ADAMTSL1: variants seen among roughly 807,000 people sequenced by gnomAD.
The protein encoded by ADAMTSL1 is ADAMTS-like protein 1.
ADAMTSL1 carries 126 observed loss-of-function variants against 201.8 expected under a neutral mutation model. The ratio of observed to expected loss-of-function variants is 0.62; its 90% CI spans 0.54 to 0.72. The LOEUF (loss-of-function observed/expected upper bound fraction) is 0.72. ADAMTSL1 is among the 30% of genes least tolerant of loss of function. The probability of loss-of-function intolerance (pLI) is 0.00; values close to 1 mark genes in which losing one functional copy is unlikely to be tolerated. For synonymous variants in ADAMTSL1, 1,121 were observed against 903.4 expected (o/e 1.24, Z -4.32); for missense variants, 2,679 against 2,277.8 (o/e 1.18, Z -3.59).
chr9:18,007,156 C>G (rs1819861514), intron 1 of ADAMTSL1, among the ~76,000 whole-genome samples: 1 of 151,994 alleles, frequency 6.6e-6, no homozygotes, highest in Non-Finnish European at 1.5e-5. Context: ...GTGTTGTTAA[C>G]ACAGTTTAAG....
chr9:18,675,979 A>G lies in ADAMTSL1; in HGVS notation c.1136+72A>G, dbSNP rs549135489. 6 of 1,274,952 alleles carry G rather than the reference A, an allele frequency of 4.7e-6. No homozygotes were observed. In the African/African-American group the frequency reaches 7.4e-5, roughly 16 times the overall value. 79.0% of individuals were successfully genotyped at this position (1,274,952 alleles called of 1,614,324 possible). A position where few individuals can be genotyped will look rare whatever the true frequency, so the allele number is the denominator to read the frequency against. On this transcript the variant is annotated intron_variant, in intron 10 of 28. Coordinates refer to ENST00000380548, the MANE Select transcript of ADAMTSL1 (RefSeq NM_001040272.6). ...CTGCTGCTTATCTATATATATAGAGATATACATATACATAGAGAGAGAGAT... is the reference window on the plus strand; with the variant it reads ...CTGCTGCTTATCTATATATATAGAGGTATACATATACATAGAGAGAGAGAT...
chr9:18,810,972 G>A (rs1395552000), intron 20 of ADAMTSL1, among the ~76,000 whole-genome samples: 1 of 124,742 alleles, frequency 8.0e-6, no homozygotes, highest in African/African-American at 3.1e-5. Flanking sequence ...CACAAACTTG[G>A]AGTTCAAGAA....
At chr9:18,537,799 A>G (rs1052918821) in intron 3 of ADAMTSL1, among the ~76,000 whole-genome samples, 3 of 151,512 alleles carry the variant, frequency 2.0e-5, no homozygotes, top group African/African-American at 7.3e-5. Context: ...GCTTGAGCCC[A>G]GGAGTTTGAA....
chr9:18,594,906 T>G (rs763410771), intron 4 of ADAMTSL1, among the ~76,000 whole-genome samples: 3 of 152,250 alleles, frequency 2.0e-5, no homozygotes, highest in Admixed American at 6.5e-5. Context: ...ATTAGGTAAT[T>G]ATTTTATTCT....
At chr9:18,038,796 T>C (rs1041384569) in intron 1 of ADAMTSL1, among the ~76,000 whole-genome samples, 73 of 152,200 alleles carry the variant, frequency 4.8e-4, no homozygotes, top group African/African-American at 1.7e-3. Flanking sequence ...GTAAAGAAGA[T>C]GTGCTTGTTC....
chr9:18,451,435 G>A (rs1820402093), intron 2 of ADAMTSL1, among the ~76,000 whole-genome samples: 1 of 152,216 alleles, frequency 6.6e-6, no homozygotes, highest in Admixed American at 6.5e-5. Flanking sequence ...ATATGGTTAT[G>A]TGTACCTGTA....
rs149711466 is a variant in ADAMTSL1 at position 18,635,119 on chromosome 9, G to C, written c.602-824G>C. On this transcript the variant is annotated intron_variant, in intron 5 of 28. Transcript: ENST00000380548. ...TGCCAATGTCAGAAGTTTTGGGTGA[G>C]GGAGTAAATAGTATAATTTAGGTGA... Among the ~76,000 whole-genome samples the C allele has an allele frequency of 5.2e-3, 785 of 151,588 alleles. 5 individuals are homozygous for C. Among genetic ancestry groups the C allele is most frequent in the Middle Eastern group, 0.041 (12 of 294 alleles).
intron 19 of ADAMTSL1, among the ~76,000 whole-genome samples, chr9:18,792,565 T>G (rs1328668660): frequency 6.6e-6 from 1 of 152,168 alleles, no homozygotes; most frequent in Non-Finnish European, 1.5e-5. Context: ...TGCCATGTGG[T>G]GAAATTGAAT....
chr9:17,954,149 G>A (rs143001232), intron 1 of ADAMTSL1, among the ~76,000 whole-genome samples: 1,889 of 152,240 alleles, frequency 0.012, 38 homozygotes, highest in African/African-American at 0.044. Context: ...GGCTAGCTTG[G>A]ACTTTTTTAC....
intron 2 of ADAMTSL1, among the ~76,000 whole-genome samples, chr9:18,353,995 A>G (rs925397737): frequency 4.0e-5 from 6 of 150,774 alleles, no homozygotes; most frequent in African/African-American, 7.3e-5. Flanking sequence ...GAGATTTTCT[A>G]TACATGTATA....
chr9:18,828,664 A>ATT lies in ADAMTSL1; in HGVS notation c.4115-1178_4115-1177insTT, dbSNP rs1211151654. ...AGGATTCTTTTGAAAGTATATTTATATATATATATATATATATATATATAT... is the reference window on the plus strand; with the variant it reads ...AGGATTCTTTTGAAAGTATATTTATATTTATATATATATATATATATATATAT... On this transcript the variant is annotated intron_variant, in intron 22 of 28. Transcript: ENST00000380548. 7.1e-3 allele frequency among the ~76,000 whole-genome samples: 510 copies of ATT among 71,566 alleles called. 19 individuals carry two copies. The highest frequency in any genetic ancestry group is 0.034 in the African/African-American group (484 of 14,442). The allele number at this position is 71,566 out of a possible 152,430, so 47.0% of individuals were successfully genotyped here.
chr9:18,840,985 G>C (rs925341116), intron 23 of ADAMTSL1, among the ~76,000 whole-genome samples: 1 of 147,256 alleles, frequency 6.8e-6, no homozygotes, highest in African/African-American at 2.5e-5. Context: ...TCTGCAAACA[G>C]GGACAATTTG....
At chr9:18,237,537 A>C (rs935669922) in intron 2 of ADAMTSL1, among the ~76,000 whole-genome samples, 1 of 152,246 alleles carries the variant, frequency 6.6e-6, no homozygotes, top group African/African-American at 2.4e-5. Context: ...TTTCAGAGAA[A>C]GCTCACTACT....
chr9:18,201,186 C>T lies in ADAMTSL1; in HGVS notation c.207+37205C>T, dbSNP rs559485652. 5.3e-5 allele frequency among the ~76,000 whole-genome samples: 8 copies of T among 152,098 alleles called. No individual in the cohort carries two copies. The East Asian group carries it at 1.2e-3, about 22-fold the overall frequency. ...GAGTTTGAGGGAAGAAATTGATTTC[C>T]CACAGAGAGTGAAATTTGGTCCAGA... On this transcript the variant is annotated intron_variant, in intron 2 of 29. Coordinates refer to the ADAMTSL1 transcript ENST00000680146.
Position 18,073,631 on chromosome 9 carries a change from G to T in ADAMTSL1, c.88-90231G>T, listed in dbSNP as rs762055805. On this transcript the variant is annotated intron_variant, in intron 1 of 29. Coordinates refer to the ADAMTSL1 transcript ENST00000680146. ...TGGGTGAAAATATGAACACTTTCAC[G>T]TATAACTATATCATGTTATTGACAT... is the stretch of plus-strand genomic sequence containing the variant. Among the ~76,000 whole-genome samples the T allele has an allele frequency of 3.9e-5, 6 of 152,262 alleles. No homozygotes were observed. In the South Asian group the frequency reaches 1.0e-3, roughly 26 times the overall value.
At chr9:18,824,068 A>C (rs1213346623) in intron 21 of ADAMTSL1, among the ~76,000 whole-genome samples, 1 of 152,070 alleles carries the variant, frequency 6.6e-6, no homozygotes, top group Non-Finnish European at 1.5e-5. Context: ...AAGGGGAAGG[A>C]AAAGAGGAAA....
At position 18,095,218 on chromosome 9, in the gene ADAMTSL1, C is replaced by CA. The variant is rs1824193755; in HGVS notation, c.88-68644_88-68643insA. 2.6e-5 allele frequency among the ~76,000 whole-genome samples: 4 copies of CA among 152,230 alleles called. No individual in the cohort carries two copies. The South Asian group carries it at 8.3e-4, about 32-fold the overall frequency. The stretch of plus-strand genomic sequence containing the variant: ...TTACACACATGCTCTGATGAAAACA[C>CA]TGCATCAGAAAGGGCTCACAGCCAA... On this transcript the variant is annotated intron_variant, in intron 1 of 29. Transcript: ENST00000680146.
chr9:18,778,872 C>T lies in ADAMTSL1; in HGVS notation c.3677+966C>T, dbSNP rs575619926. On this transcript the variant is annotated intron_variant, in intron 19 of 28. Coordinates refer to ENST00000380548, the MANE Select transcript of ADAMTSL1 (RefSeq NM_001040272.6). ...TATGGGTAGTCACTTTAAAGAATCA[C>T]GGAATCATAGTCCTCTAGTCTAGAT... Among the ~76,000 whole-genome samples the T allele has an allele frequency of 9.1e-4, 139 of 152,354 alleles. 1 individual carries two copies. The Middle Eastern group carries it at 0.034, about 37-fold the overall frequency.
rs745576411 is a variant in ADAMTSL1, at chr9:18,722,125, G to A, written c.2006+460G>A. ...TATGCACACAGCATGCAGATTCATC[G>A]TAGCATGCTCTGGGGGTGTGTGTGT... On this transcript the variant is annotated intron_variant, in intron 15 of 28. Transcript: ENST00000380548. Among the ~76,000 whole-genome samples, 7 of 147,020 alleles carry A rather than the reference G, an allele frequency of 4.8e-5. 1 individual carries two copies. Among genetic ancestry groups the A allele is most frequent in the Non-Finnish European group, 4.6e-5 (3 of 65,268 alleles).
Sources: gnomAD v4.1 joint callset for allele counts (sites outside exome capture counted in the v4.1 genomes callset) on GRCh38, gnomAD v4.1.1 for gene constraint, MANE v1.5 for transcripts, NCBI Gene and HGNC (gene_info 2026-07-23, HGNC 2026-07-21) for gene names.